Variants in UST observed in about 807,000 individuals in gnomAD.
UST encodes chondroitin sulfate 2-O-sulfotransferase.
UST carries 21 observed loss-of-function variants against 45.6 expected under a neutral mutation model. The observed-to-expected ratio is 0.46, with a 90% CI of 0.33 to 0.66. The LOEUF is 0.66. Among genes scored for constraint, UST ranks in the 30% least tolerant of loss-of-function variants. UST has a pLI of 0.02. For synonymous variants in UST, 215 were observed against 200.6 expected (o/e 1.07, Z -0.61); for missense variants, 463 against 512.4 (o/e 0.90, Z 0.93).
intron 1 of UST, among the ~76,000 whole-genome samples, chr6:148,769,425 T>G (rs1193951140): frequency 6.6e-6 from 1 of 152,252 alleles, no homozygotes; most frequent in African/African-American, 2.4e-5. Context: ...CAAGAGGCAG[T>G]GTAGTGTTAA....
At chr6:149,012,509 C>T (rs930180193) in intron 5 of UST, among the ~76,000 whole-genome samples, 5 of 152,166 alleles carry the variant, frequency 3.3e-5, no homozygotes, top group South Asian at 4.1e-4. Flanking sequence ...ACACAGCCAG[C>T]GTAAGAAACC....
At chr6:148,944,742 G>T (rs2114927233) in intron 3 of UST, among the ~76,000 whole-genome samples, 1 of 152,338 alleles carries the variant, frequency 6.6e-6, no homozygotes, top group African/African-American at 2.4e-5. Context: ...GGCAATGGCT[G>T]CTGGGCAAGT....
At chr6:148,866,523 A>C (rs1778436662) in intron 1 of UST, among the ~76,000 whole-genome samples, 1 of 152,146 alleles carries the variant, frequency 6.6e-6, no homozygotes, top group Non-Finnish European at 1.5e-5. Context: ...TGAGAGCACT[A>C]CCTAGTGAGT....
intron 1 of UST, among the ~76,000 whole-genome samples, chr6:148,834,927 C>T (rs1264276238): frequency 6.6e-6 from 1 of 152,054 alleles, no homozygotes; most frequent in Non-Finnish European, 1.5e-5. Context: ...TATGGAGTGC[C>T]CAAAGTATAC....
intron 5 of UST, among the ~76,000 whole-genome samples, chr6:149,010,020 A>T (rs868007510): frequency 1.3e-3 from 203 of 151,036 alleles, no homozygotes; most frequent in African/African-American, 4.5e-3. Flanking sequence ...AGTTTTTTTA[A>T]AAAAAAAACT....
intron 2 of UST, among the ~76,000 whole-genome samples, chr6:148,937,249 T>C (rs148787980): frequency 6.6e-6 from 1 of 152,342 alleles, no homozygotes; most frequent in East Asian, 1.9e-4. Flanking sequence ...CATTTCCTGC[T>C]TTTATGTTCA....
At chr6:148,906,495 A>T (rs138832558) in intron 2 of UST, among the ~76,000 whole-genome samples, 2 of 152,360 alleles carry the variant, frequency 1.3e-5, no homozygotes, top group East Asian at 1.9e-4. Flanking sequence ...TATCTAATTG[A>T]TGTTTCTAAA....
At chr6:148,772,239 G>T (rs13211660) in intron 1 of UST, among the ~76,000 whole-genome samples, 27 of 152,094 alleles carry the variant, frequency 1.8e-4, no homozygotes, top group Non-Finnish European at 3.2e-4. Context: ...CTTATTTTTG[G>T]CAGGAACAGG....
chr6:148,782,704 C>T (rs976623951), intron 1 of UST, among the ~76,000 whole-genome samples: 5 of 152,142 alleles, frequency 3.3e-5, no homozygotes, highest in African/African-American at 4.8e-5. Flanking sequence ...CCACCTGCCT[C>T]GGCCTCCCAA....
At chr6:149,030,389 C>T in intron 7 of UST, among the ~76,000 whole-genome samples, 1 of 151,866 alleles carries the variant, frequency 6.6e-6, no homozygotes, top group Non-Finnish European at 1.5e-5. Context: ...TACCTGTAAC[C>T]CCAGCACCTT....
intron 5 of UST, among the ~76,000 whole-genome samples, chr6:148,969,490 C>T (rs527545959): frequency 6.6e-5 from 10 of 152,182 alleles, no homozygotes; most frequent in Non-Finnish European, 1.2e-4. Flanking sequence ...CTTGTCTCAT[C>T]TGTACAATGG....
intron 2 of UST, among the ~76,000 whole-genome samples, chr6:148,924,782 C>T (rs1779781103): frequency 6.6e-6 from 1 of 152,138 alleles, no homozygotes; most frequent in Non-Finnish European, 1.5e-5. Flanking sequence ...GCTCTTGGGC[C>T]TCTCCTGGAA....
Position 148,866,051 on chromosome 6 carries a change from A to G in UST, c.248-20935A>G, listed in dbSNP as rs1778423488. On this transcript the variant is annotated intron_variant, in intron 1 of 7. Transcript: ENST00000367463. ...TGTGTATGTATATATATATACAAAT[A>G]CATATACATATTGGGGAAAGAAAGA... Among the ~76,000 whole-genome samples the G allele has an allele frequency of 2.6e-5, 4 of 152,182 alleles. No homozygotes were observed. The South Asian group carries it at 8.3e-4, about 32-fold the overall frequency.
intron 1 of UST, among the ~76,000 whole-genome samples, chr6:148,837,497 C>T (rs1172751798): frequency 6.6e-6 from 1 of 152,228 alleles, no homozygotes; most frequent in African/African-American, 2.4e-5. Flanking sequence ...AGTTCCTTCA[C>T]TTGGAATCCC....
chr6:149,056,101 GCTTTT>G (rs1395331882), intron 7 of UST, among the ~76,000 whole-genome samples: 13 of 119,144 alleles, frequency 1.1e-4, no homozygotes, highest in South Asian at 2.8e-4. Context: ...CTGTTACTCT[GCTTTT>G]CTTTTCTTTT....
intron 3 of UST, among the ~76,000 whole-genome samples, chr6:148,943,083 T>C (rs1780161310): frequency 6.6e-6 from 1 of 152,236 alleles, no homozygotes; most frequent in African/African-American, 2.4e-5. Context: ...GTGATTAGGC[T>C]GGTGATGCCT....
chr6:149,033,757 C>T (rs1776190317), intron 7 of UST, among the ~76,000 whole-genome samples: 1 of 152,190 alleles, frequency 6.6e-6, no homozygotes, highest in South Asian at 2.1e-4. Context: ...TCTACCAGAA[C>T]TGTTTTTCAA....
At chr6:148,757,876 C>T (rs547307914) in intron 1 of UST, among the ~76,000 whole-genome samples, 8 of 152,338 alleles carry the variant, frequency 5.3e-5, no homozygotes, top group Admixed American at 1.3e-4. Flanking sequence ...AGCAGAGCTC[C>T]GGGTGTGAAG....
At chr6:149,070,176 T>C (rs1309975904) in intron 7 of UST, among the ~76,000 whole-genome samples, 5 of 152,198 alleles carry the variant, frequency 3.3e-5, no homozygotes, top group African/African-American at 1.2e-4. Flanking sequence ...GAGGAAGGGA[T>C]TGAAGGAGGC....
Sources: allele counts gnomAD v4.1 joint callset (sites outside exome capture counted in the v4.1 genomes callset), GRCh38; gene constraint gnomAD v4.1.1; transcripts MANE v1.5; gene names NCBI Gene and HGNC (gene_info 2026-07-23, HGNC 2026-07-21).